FAT1: variants seen among roughly 807,000 people sequenced by gnomAD.
FAT1 encodes protocadherin Fat 1.
In FAT1, 171 loss-of-function variants were observed where a neutral mutation model predicts 329.8. The observed-to-expected ratio is 0.52, with a 90% CI of 0.46 to 0.59. The LOEUF is 0.59. Ranked by LOEUF, FAT1 falls within the 20% of genes least tolerant of loss-of-function variation. FAT1 has a pLI of 0.00. For synonymous variants in FAT1, 2,233 were observed against 2,228.6 expected (o/e 1.00, Z -0.06); for missense variants, 5,672 against 5,774.4 (o/e 0.98, Z 0.57).
At chr4:186,652,936 C>T (rs139272411) in intron 3 of FAT1, among the ~76,000 whole-genome samples, 1,664 of 152,290 alleles carry the variant, frequency 0.011, 11 homozygotes, top group Non-Finnish European at 0.016. Flanking sequence ...AACTATACAT[C>T]GCTGCCCAGT....
At chr4:186,599,473 A>G (rs1477427447) in intron 22 of FAT1, among the ~76,000 whole-genome samples, 2 of 152,158 alleles carry the variant, frequency 1.3e-5, no homozygotes, top group African/African-American at 4.8e-5. Flanking sequence ...CCTTCTGGAA[A>G]ATCATATTCC....
chr4:186,684,715 G>A (rs1743385232), intron 2 of FAT1, among the ~76,000 whole-genome samples: 2 of 151,886 alleles, frequency 1.3e-5, no homozygotes, highest in South Asian at 2.1e-4. Flanking sequence ...CAGTATTAAC[G>A]CAGCACAGTG....
chr4:186,630,185 C>A (rs1740522147), intron 7 of FAT1, among the ~76,000 whole-genome samples: 1 of 152,190 alleles, frequency 6.6e-6, no homozygotes, highest in Non-Finnish European at 1.5e-5. Context: ...CATGCACAGC[C>A]TAACCATGTC....
chr4:186,723,097 C>G (rs1200131937), intron 1 of FAT1, among the ~76,000 whole-genome samples: 1 of 152,208 alleles, frequency 6.6e-6, no homozygotes, highest in Admixed American at 6.5e-5. Context: ...TTAAAAAGAT[C>G]TTAGAAGTTC....
chr4:186,618,375 C>T lies in FAT1; in HGVS notation c.8211G>A (p.Leu2737=), dbSNP rs947864213. ...TGCTTTCTGGAGTATTCCCTTTGACCAGGCTGTAAAGAACAGTCCCACTAT... is the reference window on the plus strand; with the variant it reads ...TGCTTTCTGGAGTATTCCCTTTGACTAGGCTGTAAAGAACAGTCCCACTAT... ...AEHSGTVLYS[L]VKGNTPESNR... is the part of the protein sequence containing the mutation. The change falls in exon 10 of 27, where the codon CTG becomes CTA. Residue 2737 remains leucine (L), a synonymous_variant. Coordinates refer to ENST00000441802, the MANE Select transcript of FAT1 (RefSeq NM_005245.4). 1.2e-6 allele frequency: 2 copies of T among 1,613,906 alleles called. No homozygotes were observed. The highest frequency in any genetic ancestry group is 2.7e-5 in the African/African-American group (2 of 74,928).
intron 1 of FAT1, among the ~76,000 whole-genome samples, chr4:186,711,223 A>T (rs375527751): frequency 6.6e-6 from 1 of 151,970 alleles, no homozygotes; most frequent in African/African-American, 2.4e-5. Context: ...CCTTAGGGGG[A>T]AAAAAAGACC....
At chr4:186,615,659 A>T (rs1313270877) in intron 11 of FAT1, among the ~76,000 whole-genome samples, 1 of 152,006 alleles carries the variant, frequency 6.6e-6, no homozygotes, top group Non-Finnish European at 1.5e-5. Flanking sequence ...TCCACTCGCC[A>T]CCCTGCCTCC....
intron 1 of FAT1, among the ~76,000 whole-genome samples, chr4:186,712,364 T>G (rs1745001038): frequency 2.2e-5 from 2 of 89,244 alleles, no homozygotes; most frequent in South Asian, 4.4e-4. Flanking sequence ...CTACTGTGGT[T>G]TTTTTTTAGC....
At chr4:186,605,014 T>A (rs553711589) in intron 17 of FAT1, among the ~76,000 whole-genome samples, 14 of 150,328 alleles carry the variant, frequency 9.3e-5, no homozygotes, top group South Asian at 2.1e-4. Flanking sequence ...AGGTCAGGAG[T>A]TCGAGACCAG....
chr4:186,656,880 C>T (rs2126605244), intron 3 of FAT1, among the ~76,000 whole-genome samples: 1 of 152,234 alleles, frequency 6.6e-6, no homozygotes, highest in Non-Finnish European at 1.5e-5. Flanking sequence ...ATTGATGGCA[C>T]TTCTAAACTT....
At chr4:186,696,200 A>G (rs552440600) in intron 2 of FAT1, among the ~76,000 whole-genome samples, 1 of 152,232 alleles carries the variant, frequency 6.6e-6, no homozygotes, top group African/African-American at 2.4e-5. Context: ...CATTCTGCCA[A>G]TTAAAACCAC....
Position 186,613,135 on chromosome 4 carries a change from C to T in FAT1, c.9437G>A (p.Arg3146Lys), listed in dbSNP as rs1739530999. The T allele has an allele frequency of 1.9e-6, 3 of 1,612,536 alleles. No individual in the cohort carries two copies. In the East Asian group the frequency reaches 6.7e-5, roughly 36 times the overall value. Residue 3146 changes from arginine (R) to lysine (K), a missense_variant, in exon 13 of 27, where the codon AGA becomes AAA. By Grantham distance (26) the Arg-to-Lys change is conservative (BLOSUM62 2). Around this residue, in one of 2 missense-constraint regions of FAT1, gnomAD observed 3,966 missense variants for 3,915.2 expected, o/e 1.01. Transcript: ENST00000441802. ...TGCGTCGGCATCTGTGGCCTGCACT[C>T]TTGTCAGCAGCGTTCCCGGCTCTGT... ...ENTEPGTLLT[R>K]VQATDADAGL...
intron 2 of FAT1, among the ~76,000 whole-genome samples, chr4:186,698,932 C>A (rs1369312023): frequency 6.6e-6 from 1 of 152,202 alleles, no homozygotes; most frequent in African/African-American, 2.4e-5. Flanking sequence ...TTAAAAAATG[C>A]AACAGAATAT....
chr4:186,605,446 T>G (rs1287174116), intron 17 of FAT1, among the ~76,000 whole-genome samples: 60 of 38,582 alleles, frequency 1.6e-3, no homozygotes, highest in Admixed American at 2.6e-3. Context: ...GGAGGTGGAG[T>G]GGGGAAGAGG....
chr4:186,637,772 TTA>T (rs1740899568), intron 4 of FAT1, among the ~76,000 whole-genome samples: 1 of 152,144 alleles, frequency 6.6e-6, no homozygotes, highest in Non-Finnish European at 1.5e-5. Flanking sequence ...CCCAACTGAA[TTA>T]CCAAAACACT....
At chr4:186,623,768 C>T (rs2126532154) in intron 9 of FAT1, among the ~76,000 whole-genome samples, 1 of 152,324 alleles carries the variant, frequency 6.6e-6, no homozygotes, top group African/African-American at 2.4e-5. Flanking sequence ...GAAGAGTCTC[C>T]TCCCGCTATT....
rs937707929 is a variant in FAT1 at position 186,707,042 on chromosome 4, G to A, written c.2786C>T (p.Pro929Leu). ...TCGGACTTTCACACGATAATTAGGTGGAATAAATGTAGGTGGGTTGTCATT... is the reference window on the plus strand; with the variant it reads ...TCGGACTTTCACACGATAATTAGGTAGAATAAATGTAGGTGGGTTGTCATT... ...DVNDNPPTFIPPNYRVKVRED... is the reference protein window; with the variant it reads ...DVNDNPPTFILPNYRVKVRED... Residue 929 changes from proline to leucine, a missense_variant, in exon 2 of 27, where the codon CCA becomes CTA. Pro to Leu is a moderately conservative substitution (Grantham distance 98). Around this residue, in one of 2 missense-constraint regions of FAT1, gnomAD observed 3,966 missense variants for 3,915.2 expected, o/e 1.01. Coordinates refer to ENST00000441802, the MANE Select transcript of FAT1 (RefSeq NM_005245.4). 1 of 1,613,930 alleles carries A rather than the reference G, an allele frequency of 6.2e-7. No homozygotes were observed. Among genetic ancestry groups the A allele is most frequent in the Admixed American group, 1.7e-5 (1 of 60,010 alleles).
At chr4:186,606,019 GA>G in intron 17 of FAT1, 50 bp downstream of exon 17, 1 of 1,561,404 alleles carries the variant, frequency 6.4e-7, no homozygotes, top group Non-Finnish European at 8.7e-7. Flanking sequence ...GAGGCCAATG[GA>G]AAAGCTCATT....
intron 2 of FAT1, among the ~76,000 whole-genome samples, chr4:186,673,299 T>A (rs1245580349): frequency 6.6e-6 from 1 of 152,186 alleles, no homozygotes; most frequent in Non-Finnish European, 1.5e-5. Flanking sequence ...ATTAAAACAA[T>A]ACCTGCAGCC....
Sources: allele counts gnomAD v4.1 joint callset (sites outside exome capture counted in the v4.1 genomes callset), GRCh38; gene constraint gnomAD v4.1.1; regional missense constraint gnomAD v4.1.1; transcripts MANE v1.5; gene names NCBI Gene and HGNC (gene_info 2026-07-23, HGNC 2026-07-21).